Variants in CCDC30 observed in about 807,000 individuals in gnomAD.
CCDC30 encodes coiled-coil domain-containing protein 30.
Under a neutral mutation model 100.2 loss-of-function variants are expected in CCDC30, and 70 were observed. The observed-to-expected ratio is 0.70, with a 90% CI of 0.58 to 0.85. The LOEUF is 0.85. Ranked by LOEUF, CCDC30 falls within the 40% of genes least tolerant of loss-of-function variation. CCDC30 has a pLI of 0.00. For missense variants in CCDC30, 652 were observed against 771.2 expected (o/e 0.85, Z 1.83); for synonymous variants, 233 against 269.5 (o/e 0.86, Z 1.33).
chr1:42,519,753 C>T (rs564727847), intron 6 of CCDC30, among the ~76,000 whole-genome samples: 1 of 151,964 alleles, frequency 6.6e-6, no homozygotes, highest in Non-Finnish European at 1.5e-5. Context: ...CAGGGTTTCA[C>T]CATGTTGGCC....
intron 6 of CCDC30, among the ~76,000 whole-genome samples, chr1:42,561,052 T>C (rs1645476176): frequency 6.6e-6 from 1 of 152,216 alleles, no homozygotes; most frequent in Admixed American, 6.5e-5. Flanking sequence ...TAGCATTCCT[T>C]CTGAAACTAT....
At chr1:42,466,287 G>A (rs890791737) in intron 1 of CCDC30, among the ~76,000 whole-genome samples, 3 of 152,154 alleles carry the variant, frequency 2.0e-5, no homozygotes, top group African/African-American at 7.2e-5. Context: ...GCGTAAGATA[G>A]GGTCCTGGCC....
At chr1:42,457,635 G>A in the CCDC30 span, 3 of 427,966 alleles carry the variant, frequency 7.0e-6, no homozygotes, top group East Asian at 4.4e-5. Context: ...GCTTCTTGGA[G>A]GAGATGAATT....
At chr1:42,491,326 T>C (rs942956177) in intron 4 of CCDC30, among the ~76,000 whole-genome samples, 1 of 152,136 alleles carries the variant, frequency 6.6e-6, no homozygotes, top group African/African-American at 2.4e-5. Context: ...TGGAAGTCAT[T>C]ATGCTAACAG....
intron 6 of CCDC30, chr1:42,542,706 G>T (rs1268024718): frequency 7.3e-6 from 1 of 137,856 alleles, no homozygotes; most frequent in Admixed American, 7.4e-5. Context: ...GCCCGCCACC[G>T]CGCCCGGCTA....
chr1:42,525,844 T>G (rs964904368), intron 6 of CCDC30, among the ~76,000 whole-genome samples: 1 of 152,192 alleles, frequency 6.6e-6, no homozygotes. Flanking sequence ...AAGGACTCTC[T>G]GATCTAGCTG....
At position 42,525,290 on chromosome 1, in the gene CCDC30, T is replaced by A. The variant is rs77063639; in HGVS notation, c.456+26374T>A. On this transcript the variant is annotated intron_variant, in intron 6 of 16. Coordinates refer to ENST00000668663, the Ensembl canonical transcript of CCDC30. ...TCCAACTACATGTGTTTACATCCTT[T>A]GGTATTTTCACAAAGGCTCTGTTCA... Among the ~76,000 whole-genome samples, 570 of 152,324 alleles carry A rather than the reference T, an allele frequency of 3.7e-3. 2 individuals are homozygous for A. The highest frequency in any genetic ancestry group is 0.013 in the African/African-American group (530 of 41,590).
intron 12 of CCDC30, among the ~76,000 whole-genome samples, chr1:42,641,597 T>G (rs1223831477): frequency 6.6e-6 from 1 of 151,812 alleles, no homozygotes; most frequent in African/African-American, 2.4e-5. Context: ...CTGGACGCAG[T>G]GCCTCACGCT....
At chr1:42,561,799 T>C (rs1472016131) in intron 6 of CCDC30, among the ~76,000 whole-genome samples, 1 of 152,134 alleles carries the variant, frequency 6.6e-6, no homozygotes, top group Non-Finnish European at 1.5e-5. Flanking sequence ...AGTATTCCTT[T>C]ACACCAACAA....
chr1:42,543,099 G>A (rs576029824), intron 6 of CCDC30, among the ~76,000 whole-genome samples: 3 of 151,652 alleles, frequency 2.0e-5, no homozygotes, highest in Non-Finnish European at 4.4e-5. Flanking sequence ...TATTCCTTCT[G>A]AGTAGCTGGG....
At chr1:42,456,297 T>C in the CCDC30 span, 1 of 594,314 alleles carries the variant, frequency 1.7e-6, no homozygotes, top group East Asian at 2.8e-5. Context: ...TGGCCAGTTC[T>C]TCACCCAGGC....
chr1:42,582,045 G>A lies in CCDC30; in HGVS notation c.1001+531G>A, dbSNP rs1043482712. ...GAGACCAGCCTGGGCAGCATAGTGAGTCTTTGTCTATACCAAAAAAAAAAA... is the reference window on the plus strand; with the variant it reads ...GAGACCAGCCTGGGCAGCATAGTGAATCTTTGTCTATACCAAAAAAAAAAA... On this transcript the variant is annotated intron_variant, in intron 9 of 16. Transcript: ENST00000668663. 3.5e-4 allele frequency among the ~76,000 whole-genome samples: 49 copies of A among 140,104 alleles called. 3 individuals carry two copies. The allele number at this position is 140,104 out of a possible 152,430, so 91.9% of individuals were successfully genotyped here. A position where few individuals can be genotyped will look rare whatever the true frequency, so the allele number is the denominator to read the frequency against.
intron 11 of CCDC30, among the ~76,000 whole-genome samples, chr1:42,631,995 GC>G (rs1440885501): frequency 2.0e-5 from 3 of 152,166 alleles, no homozygotes; most frequent in African/African-American, 7.2e-5. Context: ...TGATACCTAT[GC>G]TGTAAGACTA....
At chr1:42,635,693 C>CA (rs1221113091) in intron 11 of CCDC30, among the ~76,000 whole-genome samples, 6 of 151,592 alleles carry the variant, frequency 4.0e-5, no homozygotes, top group African/African-American at 4.8e-5. Flanking sequence ...CCTGTAGTCC[C>CA]GCTACTCAGG....
chr1:42,507,330 C>A (rs183289203), intron 6 of CCDC30, among the ~76,000 whole-genome samples: 4 of 152,136 alleles, frequency 2.6e-5, no homozygotes, highest in Non-Finnish European at 5.9e-5. Flanking sequence ...TGCTGAAATG[C>A]GAATTAGTGT....
At chr1:42,641,759 C>T (rs555967835) in intron 12 of CCDC30, among the ~76,000 whole-genome samples, 3 of 151,762 alleles carry the variant, frequency 2.0e-5, no homozygotes, top group East Asian at 1.9e-4. Context: ...CCCAGCTACT[C>T]GGGAGGCTGA....
At chr1:42,528,231 T>C (rs182094826) in intron 6 of CCDC30, among the ~76,000 whole-genome samples, 57 of 152,356 alleles carry the variant, frequency 3.7e-4, no homozygotes, top group African/African-American at 1.3e-3. Context: ...ATAGGTGTGC[T>C]AGCTCTGATA....
At chr1:42,483,016 T>C (rs1643988463) in intron 3 of CCDC30, 200 bp downstream of exon 3, 5 of 369,526 alleles carry the variant, frequency 1.4e-5, no homozygotes, top group Non-Finnish European at 2.4e-5. Context: ...AGTGCACAAC[T>C]TGTAAGTGTA....
At chr1:42,541,747 T>C (rs995041133) in intron 6 of CCDC30, among the ~76,000 whole-genome samples, 3 of 152,262 alleles carry the variant, frequency 2.0e-5, no homozygotes, top group Non-Finnish European at 2.9e-5. Flanking sequence ...TCTTTGATTT[T>C]TAAGTTATAT....
Sources: gnomAD v4.1 joint callset for allele counts (sites outside exome capture counted in the v4.1 genomes callset) on GRCh38, gnomAD v4.1.1 for gene constraint, MANE v1.5 for transcripts, NCBI Gene and HGNC (gene_info 2026-07-23, HGNC 2026-07-21) for gene names.